The following POSTN variants were observed in gnomAD, a reference collection of about 807,000 sequenced individuals.
The protein encoded by POSTN is osteoblast specific factor 2 (fasciclin I-like).
A neutral mutation model predicts 104.5 loss-of-function variants in POSTN; 71 were observed. That is an observed-to-expected ratio of 0.68 (90% CI 0.56 to 0.83). POSTN has a LOEUF of 0.83. Among genes scored for constraint, POSTN ranks in the 40% least tolerant of loss-of-function variants. The pLI, the probability that POSTN is intolerant of heterozygous loss-of-function variation, is 0.00. For missense variants in POSTN, 949 were observed against 1,006.8 expected (o/e 0.94, Z 0.78); for synonymous variants, 355 against 340.7 (o/e 1.04, Z -0.46).
At chr13:37,571,906 T>G (rs920828519) in intron 17 of POSTN, among the ~76,000 whole-genome samples, 2 of 151,634 alleles carry the variant, frequency 1.3e-5, no homozygotes, top group Non-Finnish European at 3.0e-5. Flanking sequence ...ACTCAGTACC[T>G]TATATTTTTG....
In POSTN at chr13:37,593,328, T is replaced by A. The variant is rs144692203; in HGVS notation, c.219-1164A>T. 2.0e-4 allele frequency among the ~76,000 whole-genome samples: 30 copies of A among 150,092 alleles called. 1 individual carries two copies. The East Asian group carries it at 5.8e-3, about 29-fold the overall frequency. On this transcript the variant is annotated intron_variant, in intron 2 of 22. Transcript: ENST00000379747. ...TATTATTAATATTATAATATAATCC[T>A]AATTTTTATTTTTTCGCATTTCATA...
chr13:37,586,996 C>T (rs991656257), intron 5 of POSTN, 68 bp from the exon 6 acceptor site: 10 of 1,426,014 alleles, frequency 7.0e-6, no homozygotes, highest in Admixed American at 2.0e-5. Context: ...GACTGCAAGC[C>T]CATTCCCAGT....
chr13:37,575,278 CTT>C (rs74262878), intron 16 of POSTN, among the ~76,000 whole-genome samples: 2 of 142,858 alleles, frequency 1.4e-5, no homozygotes. Context: ...TATCACTATC[CTT>C]TTTTTTTTTT....
At chr13:37,580,887 C>T (rs923036937) in intron 10 of POSTN, among the ~76,000 whole-genome samples, 190 bp from the exon 11 acceptor site, 6 of 152,084 alleles carry the variant, frequency 3.9e-5, no homozygotes, top group Admixed American at 2.0e-4. Context: ...CTTATCTAGC[C>T]GGGTTTTTTA....
chr13:37,581,912 A>G (rs1448653516), intron 10 of POSTN, among the ~76,000 whole-genome samples: 1 of 152,218 alleles, frequency 6.6e-6, no homozygotes, highest in African/African-American at 2.4e-5. Context: ...TTTAGTAGAG[A>G]CAGCATAGTG....
In POSTN at chr13:37,571,415, G is replaced by A; in HGVS notation, c.2133C>T (p.Phe711=). 1 of 1,610,452 alleles carries A rather than the reference G, an allele frequency of 6.2e-7. No homozygotes were observed. Among genetic ancestry groups the A allele is most frequent in the Admixed American group, 1.7e-5 (1 of 59,882 alleles). ...TKVKIEGEPE[F]RLIKEGETIT... Reference sequence around the variant, plus strand: ...TTGTTTCACCTTCTTTAATCAGTCTGAATTCAGGTTCACCTTCAATTTTGA... The same window carrying A: ...TTGTTTCACCTTCTTTAATCAGTCTAAATTCAGGTTCACCTTCAATTTTGA... Residue 711 remains phenylalanine, a synonymous_variant, in exon 18 of 23, where the codon TTC becomes TTT. Transcript: ENST00000379747.
Position 37,583,951 on chromosome 13 carries a change from A to G in POSTN, c.1243+18T>C, listed in dbSNP as rs1439507556. 1 of 1,604,344 alleles carries G rather than the reference A, an allele frequency of 6.2e-7. No individual in the cohort carries two copies. Among genetic ancestry groups the G allele is most frequent in the Non-Finnish European group, 8.5e-7 (1 of 1,174,068 alleles). ...GGTGTGTAGGCAGAGAGCAGGAACA[A>G]CAGTGTCCAGCACATACCAGAAAAT... is the stretch of plus-strand genomic sequence containing the variant. On this transcript the variant is annotated intron_variant, in intron 9 of 22. Coordinates refer to ENST00000379747, the MANE Select transcript of POSTN (RefSeq NM_006475.3).
At chr13:37,586,674 T>C (rs1424173418) in intron 6 of POSTN, 108 bp downstream of exon 6, 16 of 1,062,544 alleles carry the variant, frequency 1.5e-5, no homozygotes, top group Non-Finnish European at 2.7e-6. Context: ...TTTCAAAAAA[T>C]ATGTGTTACA....
intron 8 of POSTN, 66 bp from the exon 9 acceptor site, chr13:37,584,169 T>C: frequency 6.3e-7 from 1 of 1,575,450 alleles, no homozygotes; most frequent in Non-Finnish European, 8.7e-7. Flanking sequence ...ATGAAACTAG[T>C]AAATCAATTC....
At position 37,573,293 on chromosome 13, in the gene POSTN, G is replaced by T. The variant is rs566954970; in HGVS notation, c.2089+1279C>A. Among the ~76,000 whole-genome samples the T allele has an allele frequency of 2.0e-5, 3 of 151,420 alleles. No individual in the cohort carries two copies. In the East Asian group the frequency reaches 5.8e-4, roughly 29 times the overall value. On this transcript the variant is annotated intron_variant, in intron 17 of 22. Transcript: ENST00000379747. ...TCATTGTGTCATGTTTTATTACAAT[G>T]ATCAAGGAACATTTTTTCAACAAAA...
Position 37,564,490 on chromosome 13 carries a change from A to G in POSTN, c.2473+29T>C, listed in dbSNP as rs751195303. 7.3e-6 allele frequency: 10 copies of G among 1,373,066 alleles called. No homozygotes were observed. The South Asian group carries it at 1.0e-4, about 14-fold the overall frequency. The allele number at this position is 1,373,066 out of a possible 1,614,324, so 85.1% of individuals were successfully genotyped here. ...CTTCATGTAACAAAAGAGGCCATAT[A>G]CACACATTACTATAGCCAATACACT... is the stretch of plus-strand genomic sequence containing the variant. On this transcript the variant is annotated intron_variant, in intron 22 of 22. Coordinates refer to ENST00000379747, the MANE Select transcript of POSTN (RefSeq NM_006475.3).
At position 37,579,043 on chromosome 13, in the gene POSTN, C is replaced by T. The variant is rs1950501865; in HGVS notation, c.1870G>A (p.Val624Ile). 6.2e-7 allele frequency: 1 copy of T among 1,613,316 alleles called. No homozygotes were observed. Among genetic ancestry groups the T allele is most frequent in the Non-Finnish European group, 8.5e-7 (1 of 1,179,620 alleles). ...CCTGCTGGATAGAGGAGTTTATCTA[C>T]AACATGAATTACACCATTTGTTGTC... ...IMTTNGVIHV[V>I]DKLLYPADTP... Residue 624 changes from valine to isoleucine, a missense_variant, in exon 14 of 23, where the codon GTA becomes ATA. Physicochemically the swap from Val to Ile is conservative, Grantham distance 29. Transcript: ENST00000379747.
intron 16 of POSTN, among the ~76,000 whole-genome samples, chr13:37,576,641 A>G (rs1424086163): frequency 2.6e-5 from 4 of 152,144 alleles, no homozygotes; most frequent in African/African-American, 9.7e-5. Context: ...CCTTTGATGA[A>G]GAAAGATGAC....
chr13:37,591,356 G>A (rs140788605), intron 3 of POSTN, among the ~76,000 whole-genome samples: 13 of 152,228 alleles, frequency 8.5e-5, no homozygotes, highest in Admixed American at 1.3e-4. Context: ...ATGTAACATG[G>A]TTACCAATGA....
intron 9 of POSTN, among the ~76,000 whole-genome samples, chr13:37,582,786 A>G (rs1950632763): frequency 6.6e-6 from 1 of 152,228 alleles, no homozygotes; most frequent in Non-Finnish European, 1.5e-5. Context: ...ACATAGTTTT[A>G]TAGTGGTCAC....
chr13:37,566,436 T>G (rs927346388), intron 21 of POSTN, among the ~76,000 whole-genome samples: 2 of 152,186 alleles, frequency 1.3e-5, no homozygotes, highest in Non-Finnish European at 2.9e-5. Context: ...AATTGATGAT[T>G]GACAGTAACA....
chr13:37,580,335 G>A (rs1371181090), intron 11 of POSTN, among the ~76,000 whole-genome samples: 1 of 152,164 alleles, frequency 6.6e-6, no homozygotes, highest in Non-Finnish European at 1.5e-5. Flanking sequence ...ATGTCAAGAA[G>A]TAGTTTAGTC....
intron 21 of POSTN, 101 bp downstream of exon 21, chr13:37,569,199 T>A (rs1950193377): frequency 1.3e-6 from 1 of 755,736 alleles, no homozygotes; most frequent in Non-Finnish European, 2.2e-6. Context: ...TTTTTTTTTT[T>A]TAACCCAATT....
chr13:37,585,747 A>C (rs1950724664), intron 7 of POSTN, among the ~76,000 whole-genome samples: 1 of 152,224 alleles, frequency 6.6e-6, no homozygotes, highest in Admixed American at 6.5e-5. Context: ...TATGTGTATC[A>C]GTAATTAGAG....
Sources: gnomAD v4.1 joint callset for allele counts (sites outside exome capture counted in the v4.1 genomes callset) on GRCh38, gnomAD v4.1.1 for gene constraint, MANE v1.5 for transcripts, NCBI Gene and HGNC (gene_info 2026-07-23, HGNC 2026-07-21) for gene names.